Variants in TRHDE observed in about 807,000 individuals in gnomAD.
TRHDE encodes thyrotropin-releasing hormone-degrading ectoenzyme.
TRHDE carries 72 observed loss-of-function variants against 125.7 expected under a neutral mutation model. That is an observed-to-expected ratio of 0.57 (90% CI 0.47 to 0.70). TRHDE has a LOEUF of 0.70. Ranked by LOEUF, TRHDE falls within the 30% of genes least tolerant of loss-of-function variation. The pLI is 0.00. For synonymous variants in TRHDE, 509 were observed against 509.1 expected (o/e 1.00, Z 0.00); for missense variants, 1,110 against 1,327.1 (o/e 0.84, Z 2.54).
intron 3 of TRHDE, among the ~76,000 whole-genome samples, chr12:72,429,390 T>G (rs968753789): frequency 6.7e-6 from 1 of 150,166 alleles, no homozygotes; most frequent in African/African-American, 2.4e-5. Flanking sequence ...AGAAGGAAAT[T>G]AAAAAAAGAT....
chr12:72,543,616 G>T (rs1310044512), intron 7 of TRHDE, among the ~76,000 whole-genome samples: 1 of 151,218 alleles, frequency 6.6e-6, no homozygotes, highest in Non-Finnish European at 1.5e-5. Context: ...GACAGTTTCA[G>T]AAAATATCTA....
intron 12 of TRHDE, among the ~76,000 whole-genome samples, chr12:72,601,419 A>G (rs563890763): frequency 6.6e-6 from 1 of 152,262 alleles, no homozygotes; most frequent in African/African-American, 2.4e-5. Flanking sequence ...TAAAATGACA[A>G]CTAAGGATTA....
At position 72,664,590 on chromosome 12, in the gene TRHDE, C is replaced by T. The variant is rs1439184835; in HGVS notation, c.*1395C>T. On this transcript the variant is annotated 3_prime_UTR_variant, in exon 19 of 19. Transcript: ENST00000261180. ...TCACCCAGTAGGCCAGCTCTCCAAACGTTGCTTAGATGCTTCAAAATTAGC... is the reference window on the plus strand; with the variant it reads ...TCACCCAGTAGGCCAGCTCTCCAAATGTTGCTTAGATGCTTCAAAATTAGC... 4 of 152,096 alleles carry T rather than the reference C, an allele frequency of 2.6e-5. No individual in the cohort carries two copies. The highest frequency in any genetic ancestry group is 1.3e-4 in the Admixed American group (2 of 15,244). The allele number at this position is 152,096 out of a possible 1,614,324, so 9.4% of individuals were successfully genotyped here.
intron 5 of TRHDE, among the ~76,000 whole-genome samples, chr12:72,491,699 G>T (rs935437302): frequency 2.0e-5 from 3 of 151,878 alleles, no homozygotes; most frequent in African/African-American, 4.8e-5. Flanking sequence ...TGTGCAGAGG[G>T]TTATCTGGGA....
intron 6 of TRHDE, among the ~76,000 whole-genome samples, chr12:72,516,505 A>T (rs1440108095): frequency 1.3e-5 from 2 of 152,100 alleles, no homozygotes; most frequent in Non-Finnish European, 2.9e-5. Flanking sequence ...GTATCCTGAG[A>T]CTTTGCTGAA....
At chr12:72,460,648 C>G (rs1876085304) in intron 3 of TRHDE, among the ~76,000 whole-genome samples, 1 of 152,116 alleles carries the variant, frequency 6.6e-6, no homozygotes, top group Admixed American at 6.6e-5. Context: ...TCTGAGATAA[C>G]AGCAAATCTT....
At chr12:72,098,962 C>T (rs1229910667) in intron 1 of TRHDE, among the ~76,000 whole-genome samples, 2 of 152,062 alleles carry the variant, frequency 1.3e-5, no homozygotes, top group Non-Finnish European at 2.9e-5. Context: ...GCCAGGAGTT[C>T]GAGACCAACC....
At chr12:72,429,855 AT>A (rs1378921262) in intron 3 of TRHDE, among the ~76,000 whole-genome samples, 1 of 151,934 alleles carries the variant, frequency 6.6e-6, no homozygotes, top group Non-Finnish European at 1.5e-5. Context: ...CAATTTTTAA[AT>A]TTTTTTATTA....
chr12:72,354,759 A>G (rs1453156096), intron 2 of TRHDE, among the ~76,000 whole-genome samples: 1 of 150,108 alleles, frequency 6.7e-6, no homozygotes, highest in Non-Finnish European at 1.5e-5. Flanking sequence ...TATAATATGC[A>G]TATACATGGT....
At chr12:72,277,694 G>C (rs1437434519) in intron 1 of TRHDE, among the ~76,000 whole-genome samples, 1 of 151,850 alleles carries the variant, frequency 6.6e-6, no homozygotes, top group East Asian at 1.9e-4. Flanking sequence ...TAAAAAAAAA[G>C]CTCTGACCAT....
chr12:72,490,903 A>G (rs1303431487), intron 5 of TRHDE, among the ~76,000 whole-genome samples: 1 of 151,258 alleles, frequency 6.6e-6, no homozygotes, highest in Non-Finnish European at 1.5e-5. Flanking sequence ...GAGGTCTAAG[A>G]TACAATATGA....
intron 3 of TRHDE, among the ~76,000 whole-genome samples, chr12:72,394,019 A>C (rs1175654597): frequency 6.6e-6 from 1 of 152,286 alleles, no homozygotes. Flanking sequence ...GCTCATACAA[A>C]CATAGGTATA....
chr12:72,162,150 G>A (rs189700514), intron 2 of TRHDE, among the ~76,000 whole-genome samples: 3 of 152,154 alleles, frequency 2.0e-5, no homozygotes, highest in Non-Finnish European at 2.9e-5. Flanking sequence ...AGTGAAAAAC[G>A]TACTACAAGA....
chr12:72,237,047 A>G (rs932198125), intron 2 of TRHDE, among the ~76,000 whole-genome samples: 1 of 152,170 alleles, frequency 6.6e-6, no homozygotes, highest in Non-Finnish European at 1.5e-5. Flanking sequence ...CATGGGAAAG[A>G]GCTATTCTCT....
intron 8 of TRHDE, among the ~76,000 whole-genome samples, chr12:72,562,621 TTTATG>T (rs1870233630): frequency 6.6e-6 from 1 of 152,034 alleles, no homozygotes; most frequent in South Asian, 2.1e-4. Flanking sequence ...TAACATTTAT[TTTATG>T]TTATGTAAAA....
intron 2 of TRHDE, among the ~76,000 whole-genome samples, chr12:72,146,000 C>A (rs1876217873): frequency 6.6e-6 from 1 of 152,146 alleles, no homozygotes; most frequent in African/African-American, 2.4e-5. Flanking sequence ...TGGTGCTAAT[C>A]TTATTTTAAA....
intron 4 of TRHDE, among the ~76,000 whole-genome samples, chr12:72,471,014 C>T (rs1375218513): frequency 1.3e-5 from 2 of 151,588 alleles, no homozygotes; most frequent in African/African-American, 4.8e-5. Flanking sequence ...GTATCTGGGA[C>T]TACAGGTGCC....
At chr12:72,154,240 A>G (rs1431841236) in intron 2 of TRHDE, among the ~76,000 whole-genome samples, 1 of 151,372 alleles carries the variant, frequency 6.6e-6, no homozygotes, top group African/African-American at 2.4e-5. Context: ...TTTGTTTTCC[A>G]TTTGCTTGGT....
chr12:72,333,984 G>T (rs1869720353), intron 2 of TRHDE, among the ~76,000 whole-genome samples: 4 of 151,762 alleles, frequency 2.6e-5, no homozygotes, highest in Admixed American at 2.6e-4. Context: ...ATAGCTAGTG[G>T]AATGGGTATA....
Sources: allele counts gnomAD v4.1 joint callset (sites outside exome capture counted in the v4.1 genomes callset), GRCh38; gene constraint gnomAD v4.1.1; transcripts MANE v1.5; gene names NCBI Gene and HGNC (gene_info 2026-07-23, HGNC 2026-07-21).